The following HPSE2 variants were observed in gnomAD, a reference collection of about 807,000 sequenced individuals.
HPSE2 encodes the protein inactive heparanase-2.
In HPSE2, 38 loss-of-function variants were observed where a neutral mutation model predicts 60.5. The ratio of observed to expected loss-of-function variants is 0.63; its 90% CI spans 0.48 to 0.82. HPSE2 has a LOEUF of 0.82. HPSE2 is among the 40% of genes least tolerant of loss of function. The probability of loss-of-function intolerance (pLI) is 0.00; values close to 1 mark genes in which losing one functional copy is unlikely to be tolerated. For missense variants in HPSE2, 713 were observed against 740.4 expected (o/e 0.96, Z 0.43); for synonymous variants, 295 against 293.2 (o/e 1.01, Z -0.06).
At chr10:99,161,678 T>C (rs1447849626) in intron 2 of HPSE2, among the ~76,000 whole-genome samples, 1 of 152,096 alleles carries the variant, frequency 6.6e-6, no homozygotes, top group Non-Finnish European at 1.5e-5. Flanking sequence ...TTTATGAAAA[T>C]ATGTAAATTA....
intron 9 of HPSE2, among the ~76,000 whole-genome samples, chr10:98,491,296 C>A (rs918649828): frequency 2.0e-5 from 3 of 152,026 alleles, no homozygotes; most frequent in African/African-American, 4.8e-5. Context: ...AGTCTCAAAG[C>A]CCCTTTGCCA....
intron 7 of HPSE2, among the ~76,000 whole-genome samples, chr10:98,626,013 G>A (rs975547725): frequency 3.3e-5 from 5 of 151,530 alleles, no homozygotes; most frequent in Non-Finnish European, 7.4e-5. Flanking sequence ...GCCTGAGGCG[G>A]AAGAACTGCG....
intron 3 of HPSE2, among the ~76,000 whole-genome samples, chr10:98,767,497 G>A (rs1950146048): frequency 1.3e-5 from 2 of 148,178 alleles, no homozygotes; most frequent in Admixed American, 1.4e-4. Context: ...ATATATACAT[G>A]TATATGTTAT....
chr10:99,007,544 C>T (rs1232037636), intron 3 of HPSE2, among the ~76,000 whole-genome samples: 1 of 152,168 alleles, frequency 6.6e-6, no homozygotes, highest in Non-Finnish European at 1.5e-5. Context: ...AATAGTTGTT[C>T]AAAGTGATGT....
At chr10:98,555,203 A>G (rs677401) in intron 9 of HPSE2, among the ~76,000 whole-genome samples, 7,047 of 152,308 alleles carry the variant, frequency 0.046, 173 homozygotes, top group South Asian at 0.088. Context: ...ATTTAACAAA[A>G]TGCATTAAAT....
intron 9 of HPSE2, among the ~76,000 whole-genome samples, chr10:98,568,814 TA>T (rs1282173085): frequency 1.3e-5 from 2 of 152,304 alleles, no homozygotes; most frequent in Non-Finnish European, 2.9e-5. Flanking sequence ...TCCACCCAGC[TA>T]AGGAAGACAG....
intron 3 of HPSE2, among the ~76,000 whole-genome samples, chr10:98,911,669 A>G (rs1953983069): frequency 6.6e-6 from 1 of 152,212 alleles, no homozygotes; most frequent in South Asian, 2.1e-4. Context: ...AAACAAGCCA[A>G]GAAGGCTAGA....
intron 3 of HPSE2, among the ~76,000 whole-genome samples, chr10:99,059,488 C>G (rs1222912102): frequency 6.6e-6 from 1 of 152,050 alleles, no homozygotes; most frequent in Non-Finnish European, 1.5e-5. Context: ...AAAGTAGTCT[C>G]TTGGTGATCA....
At chr10:99,165,102 A>G (rs1396696990) in intron 2 of HPSE2, among the ~76,000 whole-genome samples, 1 of 151,656 alleles carries the variant, frequency 6.6e-6, no homozygotes, top group Non-Finnish European at 1.5e-5. Context: ...AAAAAAAAAA[A>G]AAAGAATTCA....
intron 3 of HPSE2, among the ~76,000 whole-genome samples, chr10:99,079,553 G>T (rs1287461178): frequency 6.6e-6 from 1 of 152,120 alleles, no homozygotes; most frequent in Non-Finnish European, 1.5e-5. Context: ...GCTGGGATTG[G>T]GGGTTATGGT....
chr10:99,295,096 T>C, the HPSE2 span, among the ~76,000 whole-genome samples: 2 of 152,252 alleles, frequency 1.3e-5, no homozygotes, highest in Admixed American at 6.5e-5. Flanking sequence ...TAAATACTTA[T>C]CAGTGGAAAA....
chr10:98,803,076 G>C (rs1281721581), intron 3 of HPSE2, among the ~76,000 whole-genome samples: 73 of 151,524 alleles, frequency 4.8e-4, no homozygotes, highest in African/African-American at 1.6e-3. Context: ...GGCCAGTGAT[G>C]GTGAGCATTT....
chr10:98,589,647 C>T (rs1945034072), intron 9 of HPSE2, among the ~76,000 whole-genome samples: 1 of 152,190 alleles, frequency 6.6e-6, no homozygotes, highest in African/African-American at 2.4e-5. Flanking sequence ...TGAGCTTGTC[C>T]TTCGTTGGTC....
intron 3 of HPSE2, among the ~76,000 whole-genome samples, chr10:98,874,930 T>G (rs192946877): frequency 2.0e-5 from 3 of 152,230 alleles, no homozygotes; most frequent in Non-Finnish European, 2.9e-5. Flanking sequence ...TTGCATATGT[T>G]GAACTAGCCT....
the HPSE2 span, among the ~76,000 whole-genome samples, chr10:99,268,463 GA>G: frequency 6.6e-6 from 1 of 151,998 alleles, no homozygotes; most frequent in African/African-American, 2.4e-5. Context: ...CCAACATGGT[GA>G]AACCCCGTCT....
intron 3 of HPSE2, among the ~76,000 whole-genome samples, chr10:99,045,294 A>T (rs531002223): frequency 6.6e-6 from 1 of 152,304 alleles, no homozygotes; most frequent in East Asian, 1.9e-4. Flanking sequence ...AGATTAAAAA[A>T]TTCATTGAAA....
At chr10:98,765,193 C>T (rs996351027) in intron 3 of HPSE2, among the ~76,000 whole-genome samples, 39 of 152,258 alleles carry the variant, frequency 2.6e-4, no homozygotes, top group African/African-American at 9.1e-4. Flanking sequence ...ACACTGAAGA[C>T]AACTATAGTA....
At chr10:98,736,583 C>T (rs1284927939) in intron 4 of HPSE2, among the ~76,000 whole-genome samples, 2 of 152,120 alleles carry the variant, frequency 1.3e-5, no homozygotes, top group African/African-American at 4.8e-5. Context: ...TTTATGAATA[C>T]ATTTGTGCAT....
chr10:98,479,240 C>G (rs145771190), intron 11 of HPSE2, among the ~76,000 whole-genome samples: 13 of 152,146 alleles, frequency 8.5e-5, no homozygotes, highest in African/African-American at 2.9e-4. Flanking sequence ...CTGACTTGCT[C>G]TATATCCTCT....
Sources: gnomAD v4.1 joint callset for allele counts (sites outside exome capture counted in the v4.1 genomes callset) on GRCh38, gnomAD v4.1.1 for gene constraint, MANE v1.5 for transcripts, NCBI Gene and HGNC (gene_info 2026-07-23, HGNC 2026-07-21) for gene names.